The following DOCK4 variants were observed in gnomAD, a reference collection of about 807,000 sequenced individuals.
DOCK4 encodes the protein dedicator of cytokinesis 4, also known as dedicator of cytokinesis protein 4.
Under a neutral mutation model 268.1 loss-of-function variants are expected in DOCK4, and 97 were observed. The ratio of observed to expected loss-of-function variants is 0.36; its 90% CI spans 0.31 to 0.43. DOCK4 has a LOEUF of 0.43. Among genes scored for constraint, DOCK4 ranks in the 20% least tolerant of loss-of-function variants. The pLI is 1.00. For missense variants in DOCK4, 2,145 were observed against 2,455.7 expected, an observed-to-expected ratio of 0.87 and a Z score of 2.67; for synonymous variants, 954 against 887.2, an observed-to-expected ratio of 1.08 and a Z score of -1.34.
chr7:111,884,752 C>A (rs1471762000), intron 16 of DOCK4, among the ~76,000 whole-genome samples: 1 of 152,102 alleles, frequency 6.6e-6, no homozygotes, highest in Non-Finnish European at 1.5e-5. Flanking sequence ...GCAGATGGGG[C>A]ATAACACAGG....
intron 1 of DOCK4, among the ~76,000 whole-genome samples, chr7:112,096,077 G>A (rs908604611): frequency 2.6e-5 from 4 of 152,120 alleles, no homozygotes; most frequent in Admixed American, 6.5e-5. Context: ...CAACAAAAGC[G>A]AGAAACTTTG....
chr7:111,784,717 A>C (rs1159719267), intron 32 of DOCK4, among the ~76,000 whole-genome samples: 1 of 152,168 alleles, frequency 6.6e-6, no homozygotes, highest in Non-Finnish European at 1.5e-5. Flanking sequence ...AATCTGTGTC[A>C]CTTTCACTCC....
intron 1 of DOCK4, among the ~76,000 whole-genome samples, chr7:112,053,791 C>T (rs1198009486): frequency 2.0e-5 from 3 of 152,150 alleles, no homozygotes; most frequent in Non-Finnish European, 1.5e-5. Context: ...ATAATTACAC[C>T]GTCAGCTAAT....
At chr7:112,019,856 T>G (rs1337944664) in intron 1 of DOCK4, among the ~76,000 whole-genome samples, 1 of 152,072 alleles carries the variant, frequency 6.6e-6, no homozygotes, top group Non-Finnish European at 1.5e-5. Flanking sequence ...ATGAAGTCTT[T>G]AAAAAAAATT....
At chr7:111,990,298 T>C (rs1009148861) in intron 5 of DOCK4, among the ~76,000 whole-genome samples, 22 of 152,164 alleles carry the variant, frequency 1.4e-4, no homozygotes, top group African/African-American at 4.8e-4. Flanking sequence ...CCAGAGACAA[T>C]AGAGTAAATC....
intron 16 of DOCK4, among the ~76,000 whole-genome samples, chr7:111,887,010 T>C (rs1292317970): frequency 1.3e-5 from 2 of 152,352 alleles, no homozygotes; most frequent in East Asian, 3.9e-4. Flanking sequence ...AGGGAATTTT[T>C]CAATACATAA....
intron 17 of DOCK4, among the ~76,000 whole-genome samples, chr7:111,875,466 T>C (rs901931420): frequency 1.3e-5 from 2 of 152,216 alleles, no homozygotes; most frequent in Non-Finnish European, 1.5e-5. Context: ...GGCAGAATAA[T>C]GGCCTCAAGA....
intron 30 of DOCK4, among the ~76,000 whole-genome samples, chr7:111,807,270 C>T (rs1281228005): frequency 2.0e-5 from 3 of 152,010 alleles, no homozygotes; most frequent in Non-Finnish European, 2.9e-5. Flanking sequence ...AAATTAATGT[C>T]GAATGCAATA....
rs1586204491 is a variant in DOCK4 at position 111,863,186 on chromosome 7, G to T, written c.2473+186C>A. 6.4e-6 allele frequency: 4 copies of T among 629,244 alleles called. No individual in the cohort carries two copies. In the East Asian group the frequency reaches 1.1e-4, roughly 18 times the overall value. 39.0% of individuals were successfully genotyped at this position (629,244 alleles called of 1,614,324 possible). A position where few individuals can be genotyped will look rare whatever the true frequency, so the allele number is the denominator to read the frequency against. On this transcript the variant is annotated intron_variant, in intron 23 of 52. Coordinates refer to ENST00000428084, the MANE Select transcript of DOCK4 (RefSeq NM_001363540.2). Reference sequence around the variant, plus strand: ...TAATCATTAGTTTTCATTCTTTCCAGAAATAAAGTTTTAATTGCCATACTT... The same window carrying T: ...TAATCATTAGTTTTCATTCTTTCCATAAATAAAGTTTTAATTGCCATACTT...
At chr7:111,981,977 T>C (rs1258808817) in intron 7 of DOCK4, among the ~76,000 whole-genome samples, 4 of 152,060 alleles carry the variant, frequency 2.6e-5, no homozygotes, top group African/African-American at 7.2e-5. Context: ...CTCAGGAAAA[T>C]AAAATATATT....
chr7:112,032,946 A>T (rs1162652856), intron 1 of DOCK4, among the ~76,000 whole-genome samples: 1 of 152,228 alleles, frequency 6.6e-6, no homozygotes, highest in African/African-American at 2.4e-5. Flanking sequence ...AAGAGGCATT[A>T]AAGTGCTAAT....
intron 26 of DOCK4, 73 bp downstream of exon 26, chr7:111,834,515 C>A: frequency 1.7e-6 from 2 of 1,160,192 alleles, no homozygotes; most frequent in Admixed American, 2.4e-5. Context: ...TAGGATTTAT[C>A]TCAACAGTGA....
chr7:111,758,894 G>A (rs946263828), intron 40 of DOCK4, 104 bp from the exon 41 acceptor site: 5 of 1,061,394 alleles, frequency 4.7e-6, no homozygotes, highest in Non-Finnish European at 6.8e-6. Context: ...ACAATCTTCT[G>A]TTTCCATTTC....
intron 30 of DOCK4, among the ~76,000 whole-genome samples, chr7:111,797,259 T>G (rs1362568432): frequency 1.3e-5 from 2 of 152,100 alleles, no homozygotes; most frequent in Admixed American, 6.6e-5. Context: ...AGGGAAAAAG[T>G]TCCCCAAAAT....
At chr7:111,759,209 T>C (rs950088651) in intron 40 of DOCK4, among the ~76,000 whole-genome samples, 1 of 152,182 alleles carries the variant, frequency 6.6e-6, no homozygotes, top group African/African-American at 2.4e-5. Context: ...TTGCTTATAA[T>C]AACATGTAAA....
rs1455816575 is a variant in DOCK4, at chr7:111,872,284, T to C, written c.1911A>G (p.Lys637=). ...LDENSQKYGS[K]VFDSLVHIIN... is the part of the protein sequence containing the mutation. ...TTGAACTTACCAAAGAATCAAACAC[T>C]TTAGACCCATATTTTTGGGAATTTT... The change falls in exon 19 of 53, where the codon AAA becomes AAG. Residue 637 remains lysine (K), a synonymous_variant. Transcript: ENST00000428084. 1 of 1,555,990 alleles carries C rather than the reference T, an allele frequency of 6.4e-7. No individual in the cohort carries two copies. Among genetic ancestry groups the C allele is most frequent in the Non-Finnish European group, 8.7e-7 (1 of 1,149,192 alleles).
intron 23 of DOCK4, among the ~76,000 whole-genome samples, chr7:111,850,734 C>G (rs1020091696): frequency 6.6e-6 from 1 of 152,106 alleles, no homozygotes; most frequent in African/African-American, 2.4e-5. Context: ...TTGTGACCCC[C>G]ACCCCTGCCC....
intron 15 of DOCK4, among the ~76,000 whole-genome samples, chr7:111,896,958 A>G (rs538157393): frequency 1.4e-4 from 21 of 152,314 alleles, no homozygotes; most frequent in African/African-American, 4.6e-4. Context: ...AAATCACACC[A>G]AAGATCTCTG....
In DOCK4 at chr7:111,895,579, T is replaced by C. The variant is rs1808679628; in HGVS notation, c.1587+33A>G. On this transcript the variant is annotated intron_variant, in intron 16 of 52. Coordinates refer to ENST00000428084, the MANE Select transcript of DOCK4 (RefSeq NM_001363540.2). ...GAGGTGTTATTTCAGCACTGTTTTT[T>C]ACTGCCCATCGCCACCATCTGACTG... The C allele has an allele frequency of 2.5e-6, 4 of 1,583,186 alleles. No individual in the cohort carries two copies. The South Asian group carries it at 4.4e-5, about 18-fold the overall frequency.
Sources: allele counts gnomAD v4.1 joint callset (sites outside exome capture counted in the v4.1 genomes callset), GRCh38; gene constraint gnomAD v4.1.1; transcripts MANE v1.5; gene names NCBI Gene and HGNC (gene_info 2026-07-23, HGNC 2026-07-21).